The following NTF3 variants were observed in gnomAD, a reference collection of about 807,000 sequenced individuals.
The protein encoded by NTF3 is neurotrophin 3.
Under a neutral mutation model 26.3 loss-of-function variants are expected in NTF3, and 8 were observed. That is an observed-to-expected ratio of 0.30 (90% CI 0.18 to 0.55). NTF3 has a LOEUF of 0.55. Ranked by LOEUF, NTF3 falls within the 20% of genes least tolerant of loss-of-function variation. NTF3 has a pLI of 0.93. For missense variants in NTF3, 276 were observed against 352.9 expected (o/e 0.78, Z 1.75); for synonymous variants, 154 against 145.5 (o/e 1.06, Z -0.42).
intron 1 of NTF3, among the ~76,000 whole-genome samples, chr12:5,479,358 G>A (rs934983174): frequency 1.3e-5 from 2 of 152,138 alleles, no homozygotes; most frequent in Admixed American, 6.6e-5. Context: ...TGTGTAAACC[G>A]GTGCATCACA....
rs1426994978 is a variant in NTF3 at position 5,482,856 on chromosome 12, CTG to C, written c.19-11336_19-11335del. ...TCTCTCCTCCTTTCTCTTTATCTCTCTGTCTCTCCCTCTGTCTTTCTCTCTGT... is the reference window on the plus strand; with the variant it reads ...TCTCTCCTCCTTTCTCTTTATCTCTCTCTCTCCCTCTGTCTTTCTCTCTGT... On this transcript the variant is annotated intron_variant, in intron 1 of 1. Transcript: ENST00000423158. Among the ~76,000 whole-genome samples, 4 of 151,010 alleles carry C rather than the reference CTG, an allele frequency of 2.6e-5. No individual in the cohort carries two copies. In the South Asian group the frequency reaches 8.5e-4, roughly 32 times the overall value.
chr12:5,460,191 A>G (rs1387173179), intron 1 of NTF3, among the ~76,000 whole-genome samples: 1 of 152,016 alleles, frequency 6.6e-6, no homozygotes, highest in Non-Finnish European at 1.5e-5. Context: ...TTAGCCCATC[A>G]TTATTAACTC....
upstream of NTF3, among the ~76,000 whole-genome samples, chr12:5,431,426 C>T (rs935093804): frequency 2.0e-5 from 3 of 152,172 alleles, no homozygotes; most frequent in African/African-American, 7.2e-5. Context: ...TCGGACCACC[C>T]GCCCCCACGC....
At chr12:5,440,110 T>C (rs531503543) in intron 1 of NTF3, among the ~76,000 whole-genome samples, 8 of 152,320 alleles carry the variant, frequency 5.3e-5, no homozygotes, top group Admixed American at 1.3e-4. Flanking sequence ...TCATTCCTTC[T>C]TCCTCCACTG....
rs762410017 is a variant in NTF3, at chr12:5,472,028, G to A, written c.19-22166G>A. ...CTTGGTTTCATTTTGATAACTGTGC[G>A]GTCTGAGGTCCTGGCCAAGAAAGCA... On this transcript the variant is annotated intron_variant, in intron 1 of 1. Coordinates refer to ENST00000423158, the MANE Select transcript of NTF3 (RefSeq NM_001102654.2). Among the ~76,000 whole-genome samples, 42 of 152,092 alleles carry A rather than the reference G, an allele frequency of 2.8e-4. 2 individuals carry two copies. Among genetic ancestry groups the A allele is most frequent in the Admixed American group, 1.6e-3 (24 of 15,266 alleles).
chr12:5,463,004 G>C (rs905833198), intron 1 of NTF3, among the ~76,000 whole-genome samples: 1 of 152,158 alleles, frequency 6.6e-6, no homozygotes, highest in Non-Finnish European at 1.5e-5. Context: ...TTTGCAGGCA[G>C]GAGGACAGGC....
chr12:5,460,563 C>T (rs149508001), intron 1 of NTF3, among the ~76,000 whole-genome samples: 20 of 152,330 alleles, frequency 1.3e-4, no homozygotes, highest in African/African-American at 4.1e-4. Flanking sequence ...AGGAATTTCT[C>T]CATCTCTGTC....
chr12:5,490,797 C>T (rs899163657), intron 1 of NTF3, among the ~76,000 whole-genome samples: 1 of 152,124 alleles, frequency 6.6e-6, no homozygotes, highest in Non-Finnish European at 1.5e-5. Context: ...TCCAAGCAGT[C>T]GGGCACCATG....
At chr12:5,479,583 T>G (rs1399936165) in intron 1 of NTF3, among the ~76,000 whole-genome samples, 1 of 152,260 alleles carries the variant, frequency 6.6e-6, no homozygotes. Flanking sequence ...GCAGGGATTC[T>G]GCTTGTAGTT....
intron 1 of NTF3, among the ~76,000 whole-genome samples, chr12:5,485,884 T>C (rs1940860793): frequency 6.6e-6 from 1 of 152,190 alleles, no homozygotes; most frequent in Non-Finnish European, 1.5e-5. Context: ...CACATGTTTC[T>C]TCTGCCTCAG....
chr12:5,484,316 G>A (rs1940842165), intron 1 of NTF3, among the ~76,000 whole-genome samples: 1 of 152,214 alleles, frequency 6.6e-6, no homozygotes, highest in South Asian at 2.1e-4. Context: ...CAGAGAAACA[G>A]AGAGGACCAG....
Position 5,494,249 on chromosome 12 carries a change from A to G in NTF3, c.74A>G (p.Tyr25Cys). 1.2e-6 allele frequency: 2 copies of G among 1,614,146 alleles called. No individual in the cohort carries two copies. Among genetic ancestry groups the G allele is most frequent in the Admixed American group, 1.7e-5 (1 of 60,026 alleles). ...SILFYVIFLA[Y>C]LRGIQGNNMD... ...TTGTTTTATGTGATATTTCTCGCTTATCTCCGTGGCATCCAAGGTAACAAC... is the reference window on the plus strand; with the variant it reads ...TTGTTTTATGTGATATTTCTCGCTTGTCTCCGTGGCATCCAAGGTAACAAC... Residue 25 changes from tyrosine (Y) to cysteine (C), a missense_variant, in exon 2 of 2, where the codon TAT (tyrosine) becomes TGT (cysteine). Tyr to Cys is a radical substitution (Grantham distance 194). Coordinates refer to ENST00000423158, the MANE Select transcript of NTF3 (RefSeq NM_001102654.2). The surrounding 1 kb of genome is among the most constrained non-coding windows in gnomAD (Gnocchi z 8.3).
At chr12:5,430,598 C>T (rs1754245695), upstream of NTF3, among the ~76,000 whole-genome samples, 2 of 151,628 alleles carry the variant, frequency 1.3e-5, no homozygotes, top group Admixed American at 1.3e-4. Context: ...CCCTCCCTTC[C>T]CACCTCCCCA....
chr12:5,449,038 C>T (rs1940339677), intron 1 of NTF3, among the ~76,000 whole-genome samples: 1 of 152,124 alleles, frequency 6.6e-6, no homozygotes, highest in Admixed American at 6.6e-5. Context: ...ATAAGACAAC[C>T]CCTATTGAAT....
chr12:5,453,064 A>G (rs1277705686), intron 1 of NTF3, among the ~76,000 whole-genome samples: 1 of 152,242 alleles, frequency 6.6e-6, no homozygotes, highest in African/African-American at 2.4e-5. Flanking sequence ...AAATGGGGAT[A>G]ATAATGTAAC....
chr12:5,459,565 G>A (rs551033421), intron 1 of NTF3, among the ~76,000 whole-genome samples: 51 of 152,280 alleles, frequency 3.3e-4, no homozygotes, highest in African/African-American at 1.1e-3. Flanking sequence ...AGGGAGGAAC[G>A]TGCATATTGC....
At chr12:5,464,972 ATTC>A (rs1322395164) in intron 1 of NTF3, among the ~76,000 whole-genome samples, 1 of 152,194 alleles carries the variant, frequency 6.6e-6, no homozygotes, top group Non-Finnish European at 1.5e-5. Context: ...CGTCTTCTTC[ATTC>A]TTCTCTTCAG....
chr12:5,480,519 AAGGC>A (rs1300421592), intron 1 of NTF3, among the ~76,000 whole-genome samples: 1 of 152,134 alleles, frequency 6.6e-6, no homozygotes, highest in African/African-American at 2.4e-5. Context: ...GGCTGGAGCA[AAGGC>A]AGGCGCACTC....
chr12:5,450,984 G>C (rs1229460551), intron 1 of NTF3, among the ~76,000 whole-genome samples: 2 of 152,186 alleles, frequency 1.3e-5, no homozygotes, highest in Non-Finnish European at 2.9e-5. Context: ...GTGGCACCAA[G>C]CTTAGGACGA....
Sources: allele counts gnomAD v4.1 joint callset (sites outside exome capture counted in the v4.1 genomes callset), GRCh38; gene constraint gnomAD v4.1.1; non-coding constraint Gnocchi (gnomAD v3.1); transcripts MANE v1.5; gene names NCBI Gene and HGNC (gene_info 2026-07-23, HGNC 2026-07-21).